The following CHD8 variants were observed in gnomAD, a reference collection of about 807,000 sequenced individuals.
CHD8 encodes ATP-dependent chromatin remodeler CHD8.
In CHD8, 31 loss-of-function variants were observed where a neutral mutation model predicts 279.2. The ratio of observed to expected loss-of-function variants is 0.11; its 90% CI spans 0.08 to 0.15. The LOEUF is 0.15. Ranked by LOEUF, CHD8 falls within the 10% of genes least tolerant of loss-of-function variation. The probability of loss-of-function intolerance (pLI) is 1.00; values close to 1 mark genes in which losing one functional copy is unlikely to be tolerated. For synonymous variants in CHD8, 1,081 were observed against 1,139.6 expected (o/e 0.95, Z 1.04); for missense variants, 2,146 against 3,230.5 (o/e 0.66, Z 8.14).
At position 21,408,462 on chromosome 14, in the gene CHD8, A is replaced by G. The variant is rs1888343036; in HGVS notation, c.2580T>C (p.Gly860=). ...LQEVYNVGIH[G]PFLVIAPLST... is the part of the protein sequence containing the mutation. ...ACAGTGGGGCAATGACCAAGAAGGGACCATGGATGCCCACATTATATACTT... is the reference window on the plus strand; with the variant it reads ...ACAGTGGGGCAATGACCAAGAAGGGGCCATGGATGCCCACATTATATACTT... Residue 860 remains glycine (G), a synonymous_variant, in exon 13 of 38, where the codon GGT becomes GGC. Coordinates refer to ENST00000646647, the MANE Select transcript of CHD8 (RefSeq NM_001170629.2). The surrounding 1 kb of genome is among the most constrained non-coding windows in gnomAD (Gnocchi z 4.3). 2 of 1,613,878 alleles carry G rather than the reference A, an allele frequency of 1.2e-6. No individual in the cohort carries two copies. The highest frequency in any genetic ancestry group is 2.7e-5 in the African/African-American group (2 of 74,916).
At chr14:21,397,251 G>T in intron 27 of CHD8, 1 of 487,148 alleles carries the variant, frequency 2.1e-6, no homozygotes, top group Non-Finnish European at 4.2e-6. Flanking sequence ...TCTCAGTCAT[G>T]ATGGAATGGG....
rs370986548 is a variant in CHD8, at chr14:21,418,497, G to A, written c.1717-2590C>T. 7.5e-4 allele frequency among the ~76,000 whole-genome samples: 111 copies of A among 148,832 alleles called. No individual in the cohort carries two copies. In the South Asian group the frequency reaches 0.018, roughly 24 times the overall value. On this transcript the variant is annotated intron_variant, in intron 5 of 37. Coordinates refer to ENST00000646647, the MANE Select transcript of CHD8 (RefSeq NM_001170629.2). ...ATCACGCCACTGCACTCTAGCCTGGGTGAGAGTGAGACCCTGTCTCAAAAA... is the reference window on the plus strand; with the variant it reads ...ATCACGCCACTGCACTCTAGCCTGGATGAGAGTGAGACCCTGTCTCAAAAA...
intron 10 of CHD8, among the ~76,000 whole-genome samples, chr14:21,410,620 GCAGTGAC>G (rs1888449238): frequency 6.6e-6 from 1 of 152,202 alleles, no homozygotes; most frequent in South Asian, 2.1e-4. Context: ...AAGTGAAGGG[GCAGTGAC>G]CAATGGTAAA....
At chr14:21,430,511 T>C in intron 2 of CHD8, 1 of 312,078 alleles carries the variant, frequency 3.2e-6, no homozygotes, top group South Asian at 7.2e-5. Flanking sequence ...TTGCTTAATA[T>C]CTGTCTTTCC....
intron 25 of CHD8, 112 bp downstream of exon 25, chr14:21,399,869 A>T: frequency 9.6e-7 from 1 of 1,041,648 alleles, no homozygotes; most frequent in Non-Finnish European, 1.5e-6. Context: ...AAGACCTGAT[A>T]TATAGATTTA....
Position 21,431,695 on chromosome 14 carries a change from G to C in CHD8, c.-52C>G, listed in dbSNP as rs928472084. ...TCCAAGGTCTAGGGAGGGAAGGGGA[G>C]GGGGGGTACTGGCTCTCCCCTCCCC... On this transcript the variant is annotated 5_prime_UTR_variant, in exon 2 of 38. Transcript: ENST00000646647. 5.0e-6 allele frequency: 8 copies of C among 1,592,212 alleles called. No homozygotes were observed. The highest frequency in any genetic ancestry group is 1.8e-5 in the Admixed American group (1 of 56,732).
At chr14:21,406,602 G>A (rs1888263937) in intron 14 of CHD8, among the ~76,000 whole-genome samples, 1 of 152,136 alleles carries the variant, frequency 6.6e-6, no homozygotes, top group African/African-American at 2.4e-5. Flanking sequence ...TTAAGTTTTG[G>A]AGTATTTTGT....
chr14:21,443,869 A>AAC (rs1555320256), intron 1 of CHD8, among the ~76,000 whole-genome samples: 11 of 151,436 alleles, frequency 7.3e-5, no homozygotes, highest in African/African-American at 2.4e-4. Flanking sequence ...AAAAAAAAAA[A>AAC]AAAAAAAAAA....
rs1275904057 is a variant in CHD8, at chr14:21,391,055, C to T, written c.7074G>A (p.Glu2358=). The change falls in exon 37 of 38, where the codon GAG becomes GAA. Residue 2358 remains glutamate (E), a synonymous_variant. Coordinates refer to ENST00000646647, the MANE Select transcript of CHD8 (RefSeq NM_001170629.2). ...AVDPRFLAYM[E]DRRKQKWQRC... ...TTTGCCACTTCTGTTTTCTGCGATC[C>T]TCCATATACTGCAATAGAAAAAATC... is the stretch of plus-strand genomic sequence containing the variant. 6 of 1,564,042 alleles carry T rather than the reference C, an allele frequency of 3.8e-6. No homozygotes were observed. The highest frequency in any genetic ancestry group is 5.2e-6 in the Non-Finnish European group (6 of 1,147,724).
chr14:21,386,539 T>TA (rs1040909495), intron 37 of CHD8, among the ~76,000 whole-genome samples: 12 of 151,978 alleles, frequency 7.9e-5, no homozygotes, highest in African/African-American at 2.2e-4. Context: ...TAAATGCACA[T>TA]AAAAAAAATC....
intron 1 of CHD8, among the ~76,000 whole-genome samples, chr14:21,440,711 G>C (rs1889935773): frequency 6.6e-6 from 1 of 152,188 alleles, no homozygotes; most frequent in South Asian, 2.1e-4. Context: ...GAAGGAACTG[G>C]ATAGAGATGA....
Position 21,415,922 on chromosome 14 carries a change from G to C in CHD8, c.1717-15C>G, listed in dbSNP as rs1282287882. ...GAGCGTCTCTTCTGTAGAGCAAAAA[G>C]TAGTTAGAGTGACTAGTTAGGTCTC... On this transcript the variant is annotated splice_polypyrimidine_tract_variant and intron_variant, in intron 5 of 37. Transcript: ENST00000646647. 6.2e-7 allele frequency: 1 copy of C among 1,605,074 alleles called. No homozygotes were observed. The highest frequency in any genetic ancestry group is 2.2e-5 in the East Asian group (1 of 44,682).
chr14:21,409,792 G>A (rs574958864), intron 11 of CHD8, 59 bp downstream of exon 11: 1 of 1,494,988 alleles, frequency 6.7e-7, no homozygotes, highest in African/African-American at 1.4e-5. Context: ...AATTTCATAG[G>A]GGAAAAAATT....
Position 21,426,375 on chromosome 14 carries a change from A to T in CHD8, c.1602-133T>A. 6.7e-6 allele frequency: 4 copies of T among 600,792 alleles called. No individual in the cohort carries two copies. The South Asian group carries it at 8.3e-5, about 13-fold the overall frequency. The allele number at this position is 600,792 out of a possible 1,614,324, so 37.2% of individuals were successfully genotyped here. ...TTTAGATCTTCAGTCAATAGGACAC[A>T]CAGCTACTAAATATGGTGTTTGAAA... On this transcript the variant is annotated intron_variant, in intron 4 of 37. Coordinates refer to ENST00000646647, the MANE Select transcript of CHD8 (RefSeq NM_001170629.2).
chr14:21,437,332 G>A (rs927976966), intron 1 of CHD8: 9 of 1,036,848 alleles, frequency 8.7e-6, no homozygotes, highest in African/African-American at 1.7e-5. Context: ...ACTCACCAAA[G>A]GCGAAAAGAC....
chr14:21,397,037 T>C (rs1461939764), intron 27 of CHD8: 3 of 188,700 alleles, frequency 1.6e-5, no homozygotes, highest in African/African-American at 7.0e-5. Context: ...TTCCTTTTTC[T>C]TGACTTTTAT....
rs752553650 is a variant in CHD8 at position 21,392,703 on chromosome 14, C to T, written c.6575G>A (p.Gly2192Glu). ...SQEMVTGGIL[G>E]PGNHLLDSPS... ...ACTGTCTAGCAAGTGGTTGCCTGGC[C>T]CCAAAATTCCTCCTGTTACCATTTC... Residue 2192 changes from glycine to glutamate, a missense_variant, in exon 34 of 38, where the codon GGG (glycine) becomes GAG (glutamate). This residue lies in a region of CHD8 where 513 missense variants were observed against 637.6 expected (regional missense o/e 0.80). Coordinates refer to ENST00000646647, the MANE Select transcript of CHD8 (RefSeq NM_001170629.2). The T allele has an allele frequency of 1.9e-6, 3 of 1,613,830 alleles. No individual in the cohort carries two copies. The highest frequency in any genetic ancestry group is 2.5e-6 in the Non-Finnish European group (3 of 1,179,908).
Position 21,400,282 on chromosome 14 carries a change from T to A in CHD8, c.4596A>T (p.Gly1532=), listed in dbSNP as rs1332028250. 3 of 1,613,792 alleles carry A rather than the reference T, an allele frequency of 1.9e-6. No individual in the cohort carries two copies. Among genetic ancestry groups the A allele is most frequent in the Non-Finnish European group, 2.5e-6 (3 of 1,179,898 alleles). The change falls in exon 24 of 38, where the codon GGA becomes GGT. Residue 1532 remains glycine (G), a synonymous_variant. Coordinates refer to ENST00000646647, the MANE Select transcript of CHD8 (RefSeq NM_001170629.2). The surrounding 1 kb of genome is among the most constrained non-coding windows in gnomAD (Gnocchi z 4.2). ...GTGACTTTACTTTTTTTCCTTTGCG[T>A]CCACGAGGCACAGGGATAGATAGAC... ...HSGLSIPVPR[G]RKGKKVKSQS... is the part of the protein sequence containing the mutation.
At position 21,408,248 on chromosome 14, in the gene CHD8, T is replaced by G. The variant is rs530326350; in HGVS notation, c.2730+64A>C. The G allele has an allele frequency of 6.4e-7, 1 of 1,570,972 alleles. No individual in the cohort carries two copies. The highest frequency in any genetic ancestry group is 1.1e-5 in the South Asian group (1 of 87,110). ...AAGTCTTCTATTCATATATAGCCCT[T>G]AAAATACCAGGTACCTTGGCCGACT... is the stretch of plus-strand genomic sequence containing the variant. On this transcript the variant is annotated intron_variant, in intron 13 of 37. Coordinates refer to ENST00000646647, the MANE Select transcript of CHD8 (RefSeq NM_001170629.2). This position sits in a 1 kb window ranked among gnomAD's most constrained non-coding sequence, Gnocchi z 4.3.
Sources: allele counts gnomAD v4.1 joint callset (sites outside exome capture counted in the v4.1 genomes callset), GRCh38; gene constraint gnomAD v4.1.1; regional missense constraint gnomAD v4.1.1; non-coding constraint Gnocchi (gnomAD v3.1); transcripts MANE v1.5; gene names NCBI Gene and HGNC (gene_info 2026-07-23, HGNC 2026-07-21).